RGS8: variants seen among roughly 807,000 people sequenced by gnomAD.
RGS8 encodes the protein regulator of G-protein signaling 8.
In RGS8, 8 loss-of-function variants were observed where a neutral mutation model predicts 21.7. The observed-to-expected ratio is 0.37, with a 90% CI of 0.22 to 0.66. The LOEUF (loss-of-function observed/expected upper bound fraction) is 0.66, where lower values mean the gene tolerates loss of function less well. Ranked by LOEUF, RGS8 falls within the 30% of genes least tolerant of loss-of-function variation. The pLI, the probability that RGS8 is intolerant of heterozygous loss-of-function variation, is 0.59. For missense variants in RGS8, 157 were observed against 217.9 expected (o/e 0.72, Z 1.76); for synonymous variants, 80 against 83.6 (o/e 0.96, Z 0.24).
the RGS8 span, among the ~76,000 whole-genome samples, chr1:182,734,041 C>T: frequency 1.3e-5 from 2 of 152,062 alleles, no homozygotes; most frequent in Admixed American, 1.3e-4. Context: ...CTGCCTCAGC[C>T]TCCCGAGTAG....
intron 1 of RGS8, among the ~76,000 whole-genome samples, chr1:182,681,374 C>T (rs1664530475): frequency 6.6e-6 from 1 of 152,238 alleles, no homozygotes. Flanking sequence ...TCAGAGTCTA[C>T]AGCTGTGGGC....
the RGS8 span, among the ~76,000 whole-genome samples, chr1:182,700,761 C>T: frequency 6.6e-6 from 1 of 152,172 alleles, no homozygotes; most frequent in African/African-American, 2.4e-5. Context: ...TTTCAAAGTG[C>T]TTTGAATTTG....
upstream of RGS8, among the ~76,000 whole-genome samples, chr1:182,689,296 CACACACA>C (rs1557906925): frequency 4.0e-4 from 60 of 149,796 alleles, no homozygotes; most frequent in Admixed American, 3.3e-4. Flanking sequence ...CACACACACA[CACACACA>C]CACCCCACAA....
downstream of RGS8, chr1:182,643,556 T>C (rs1662572860): frequency 6.6e-6 from 1 of 151,946 alleles, no homozygotes; most frequent in South Asian, 2.1e-4. Flanking sequence ...AGAGTCCAAG[T>C]CCACAGGCCA....
At chr1:182,689,270 C>CAG (rs1161891471), upstream of RGS8, among the ~76,000 whole-genome samples, 217 of 123,108 alleles carry the variant, frequency 1.8e-3, 1 homozygote, top group African/African-American at 7.0e-3. Flanking sequence ...CACAGACACA[C>CAG]ACACACACAC....
chr1:182,694,103 C>T, the RGS8 span, among the ~76,000 whole-genome samples: 2,484 of 151,298 alleles, frequency 0.016, 65 homozygotes, highest in African/African-American at 0.057. Context: ...TAAACCTTCG[C>T]ATGTACCCCT....
chr1:182,642,903 T>C (rs1254194370), downstream of RGS8: 1 of 139,100 alleles, frequency 7.2e-6, no homozygotes, highest in African/African-American at 2.7e-5. Context: ...ACTATTATTA[T>C]TACCACGACG....
the RGS8 span, among the ~76,000 whole-genome samples, chr1:182,732,267 T>TACA: frequency 2.8e-4 from 37 of 132,992 alleles, no homozygotes; most frequent in Non-Finnish European, 4.9e-4. Flanking sequence ...TCGCTCTCTC[T>TACA]CTCATACACA....
the RGS8 span, among the ~76,000 whole-genome samples, chr1:182,713,062 C>T: frequency 2.6e-5 from 4 of 152,224 alleles, no homozygotes; most frequent in African/African-American, 9.6e-5. Flanking sequence ...TTGCCATCGT[C>T]CCAAATTGAG....
intron 1 of RGS8, among the ~76,000 whole-genome samples, chr1:182,682,862 T>C (rs950031484): frequency 7.2e-5 from 11 of 152,246 alleles, no homozygotes; most frequent in African/African-American, 2.4e-4. Flanking sequence ...CTCTGTCCTC[T>C]AAGAGCCCCT....
chr1:182,737,260 A>G, the RGS8 span, among the ~76,000 whole-genome samples: 1 of 149,090 alleles, frequency 6.7e-6, no homozygotes, highest in East Asian at 2.0e-4. Context: ...GAATAATCTC[A>G]TCTCCTAAAT....
chr1:182,682,820 G>C (rs1032268524), intron 1 of RGS8, among the ~76,000 whole-genome samples: 5 of 152,150 alleles, frequency 3.3e-5, no homozygotes, highest in African/African-American at 1.2e-4. Flanking sequence ...AGAAAGATGA[G>C]GGTTTGGCTC....
chr1:182,738,756 A>C, the RGS8 span, among the ~76,000 whole-genome samples: 1 of 152,230 alleles, frequency 6.6e-6, no homozygotes, highest in Non-Finnish European at 1.5e-5. Flanking sequence ...AACAAGAGCA[A>C]ACCAATAAAG....
chr1:182,730,391 C>A, the RGS8 span, among the ~76,000 whole-genome samples: 1 of 152,012 alleles, frequency 6.6e-6, no homozygotes, highest in African/African-American at 2.4e-5. Flanking sequence ...CCTTTTCTAG[C>A]AGAGTTTGGC....
At chr1:182,670,998 C>A (rs1341977096) in intron 2 of RGS8, among the ~76,000 whole-genome samples, 1 of 152,138 alleles carries the variant, frequency 6.6e-6, no homozygotes. Context: ...CATGCAGGGA[C>A]CTTTATTATC....
the RGS8 span, among the ~76,000 whole-genome samples, chr1:182,719,887 A>AT: frequency 2.0e-5 from 3 of 151,978 alleles, no homozygotes; most frequent in African/African-American, 2.4e-5. Flanking sequence ...TGAAATTATC[A>AT]TTTTTTTCCT....
At chr1:182,661,808 T>TCACACACACACACA (rs71127312) in intron 5 of RGS8, among the ~76,000 whole-genome samples, 41 of 132,458 alleles carry the variant, frequency 3.1e-4, no homozygotes, top group African/African-American at 9.8e-4. Context: ...GTACACACAT[T>TCACACACACACACA]CACACACACA....
At chr1:182,706,762 G>A in the RGS8 span, among the ~76,000 whole-genome samples, 1 of 151,232 alleles carries the variant, frequency 6.6e-6, no homozygotes, top group East Asian at 2.0e-4. Flanking sequence ...CACCATGCCT[G>A]GCCATCCATG....
chr1:182,738,891 T>C, the RGS8 span, among the ~76,000 whole-genome samples: 128 of 152,286 alleles, frequency 8.4e-4, no homozygotes, highest in African/African-American at 3.0e-3. Context: ...CAGAAACATC[T>C]TGCAGGGCAA....
Sources: gnomAD v4.1 joint callset for allele counts (sites outside exome capture counted in the v4.1 genomes callset) on GRCh38, gnomAD v4.1.1 for gene constraint, MANE v1.5 for transcripts, NCBI Gene and HGNC (gene_info 2026-07-23, HGNC 2026-07-21) for gene names.